NCKAP5: variants seen among roughly 807,000 people sequenced by gnomAD.
The protein encoded by NCKAP5 is NCK associated protein 5, also known as nck-associated protein 5.
In NCKAP5, 92 loss-of-function variants were observed where a neutral mutation model predicts 167.0. The ratio of observed to expected loss-of-function variants is 0.55; its 90% CI spans 0.47 to 0.66. The LOEUF (loss-of-function observed/expected upper bound fraction) is 0.66. NCKAP5 is among the 30% of genes least tolerant of loss of function. The pLI, the probability that NCKAP5 is intolerant of heterozygous loss-of-function variation, is 0.00. For missense variants in NCKAP5, 2,378 were observed against 2,315.0 expected (o/e 1.03, Z -0.56); for synonymous variants, 891 against 877.4 (o/e 1.02, Z -0.27).
chr2:132,801,902 G>A (rs774491300), intron 11 of NCKAP5, among the ~76,000 whole-genome samples: 2 of 152,180 alleles, frequency 1.3e-5, no homozygotes, highest in African/African-American at 4.8e-5. Context: ...CAGCTCTCTA[G>A]TTAATGATGG....
At chr2:133,574,753 T>A in the NCKAP5 span, among the ~76,000 whole-genome samples, 1 of 152,086 alleles carries the variant, frequency 6.6e-6, no homozygotes, top group African/African-American at 2.4e-5. Context: ...AGAAAAGGCA[T>A]CCTTACAGAT....
chr2:132,951,445 C>T (rs893272932), intron 8 of NCKAP5, among the ~76,000 whole-genome samples: 1 of 152,196 alleles, frequency 6.6e-6, no homozygotes, highest in African/African-American at 2.4e-5. Context: ...TGTTTATAAT[C>T]TCTCCTCCCA....
the NCKAP5 span, among the ~76,000 whole-genome samples, chr2:133,618,052 G>A: frequency 6.6e-6 from 1 of 151,364 alleles, no homozygotes; most frequent in Non-Finnish European, 1.5e-5. Flanking sequence ...AAGCAATGGG[G>A]AAAGGATTCC....
intron 11 of NCKAP5, among the ~76,000 whole-genome samples, chr2:132,800,140 T>C (rs529305447): frequency 1.6e-4 from 24 of 152,312 alleles, no homozygotes; most frequent in Middle Eastern, 3.4e-3. Context: ...GTAGAATGTA[T>C]ACATTAGAAA....
chr2:132,860,912 T>C (rs188733428), intron 10 of NCKAP5, among the ~76,000 whole-genome samples: 1 of 152,338 alleles, frequency 6.6e-6, no homozygotes, highest in Non-Finnish European at 1.5e-5. Flanking sequence ...TTTCCGCCTA[T>C]ATATTTTGCC....
Position 133,478,599 on chromosome 2 carries a change from A to G in NCKAP5, c.69+38859T>C, listed in dbSNP as rs111741925. On this transcript the variant is annotated intron_variant, in intron 3 of 19. Coordinates refer to ENST00000409261, the MANE Select transcript of NCKAP5 (RefSeq NM_207363.3). Reference sequence around the variant, plus strand: ...GGCACTTTGTAAACAGCCAAGGCTCATGCAGATGCTATAACACTTATGCTG... The same window carrying G: ...GGCACTTTGTAAACAGCCAAGGCTCGTGCAGATGCTATAACACTTATGCTG... Among the ~76,000 whole-genome samples the G allele has an allele frequency of 1.5e-3, 229 of 152,340 alleles. 1 individual carries two copies. Among genetic ancestry groups the G allele is most frequent in the African/African-American group, 4.7e-3 (196 of 41,592 alleles).
At chr2:132,942,308 GT>G (rs1697358599) in intron 8 of NCKAP5, among the ~76,000 whole-genome samples, 1 of 152,102 alleles carries the variant, frequency 6.6e-6, no homozygotes, top group Admixed American at 6.6e-5. Flanking sequence ...TGGAAAACTT[GT>G]TAAAAAAATT....
At chr2:132,703,640 A>G (rs183825294) in intron 19 of NCKAP5, among the ~76,000 whole-genome samples, 15 of 152,294 alleles carry the variant, frequency 9.8e-5, no homozygotes, top group Admixed American at 7.8e-4. Flanking sequence ...GGGAGTGCAC[A>G]GAGGAGAGCA....
chr2:133,594,021 A>C, the NCKAP5 span, among the ~76,000 whole-genome samples: 1 of 152,226 alleles, frequency 6.6e-6, no homozygotes, highest in Non-Finnish European at 1.5e-5. Context: ...TACACGCTGT[A>C]CTTTCTTCCC....
chr2:133,449,994 C>T (rs1691445017), intron 3 of NCKAP5, among the ~76,000 whole-genome samples: 3 of 152,008 alleles, frequency 2.0e-5, no homozygotes, highest in Non-Finnish European at 2.9e-5. Flanking sequence ...CCCAGGCAGT[C>T]CATGATCAGT....
intron 8 of NCKAP5, among the ~76,000 whole-genome samples, chr2:132,927,707 T>C (rs1696017695): frequency 6.6e-6 from 1 of 152,138 alleles, no homozygotes; most frequent in Non-Finnish European, 1.5e-5. Flanking sequence ...CACTGATTTT[T>C]GTATTTTGAT....
At chr2:133,280,723 C>T (rs1423859568) in intron 4 of NCKAP5, among the ~76,000 whole-genome samples, 1 of 152,210 alleles carries the variant, frequency 6.6e-6, no homozygotes. Context: ...TTGGCACCCA[C>T]AGGCCAAACC....
intron 16 of NCKAP5, among the ~76,000 whole-genome samples, chr2:132,771,839 A>ATTTTTTTT (rs70973406): frequency 6.6e-3 from 666 of 100,704 alleles, no homozygotes; most frequent in Non-Finnish European, 9.2e-3. Flanking sequence ...CGCCCGGCTA[A>ATTTTTTTT]TTTTTTTTTT....
At chr2:133,016,912 C>T (rs879732766) in intron 6 of NCKAP5, among the ~76,000 whole-genome samples, 2 of 152,170 alleles carry the variant, frequency 1.3e-5, no homozygotes, top group Non-Finnish European at 2.9e-5. Context: ...TAATATGTAA[C>T]TGAGACACAT....
At chr2:133,041,277 A>G (rs2079210521) in intron 6 of NCKAP5, among the ~76,000 whole-genome samples, 1 of 152,140 alleles carries the variant, frequency 6.6e-6, no homozygotes, top group Admixed American at 6.6e-5. Context: ...TCTCTTTCAC[A>G]TACTTGACCT....
chr2:133,199,017 T>A (rs910617757), intron 5 of NCKAP5, among the ~76,000 whole-genome samples: 2 of 151,896 alleles, frequency 1.3e-5, no homozygotes, highest in Non-Finnish European at 2.9e-5. Flanking sequence ...AGGAAATAAA[T>A]TCATTTCAAA....
chr2:133,654,857 A>G, the NCKAP5 span, among the ~76,000 whole-genome samples: 6 of 152,044 alleles, frequency 3.9e-5, no homozygotes, highest in African/African-American at 1.4e-4. Context: ...GTTTTTGGAT[A>G]CTCTTGGAGA....
chr2:133,028,099 C>G (rs548431390), intron 6 of NCKAP5, among the ~76,000 whole-genome samples: 1 of 152,110 alleles, frequency 6.6e-6, no homozygotes, highest in African/African-American at 2.4e-5. Context: ...GCAAATATTC[C>G]AAAATCTGAG....
chr2:133,110,405 G>A (rs1268703525), intron 6 of NCKAP5, among the ~76,000 whole-genome samples: 1 of 152,202 alleles, frequency 6.6e-6, no homozygotes, highest in Non-Finnish European at 1.5e-5. Context: ...TCAGGTACTA[G>A]ATGGTGGCGA....
Sources: allele counts gnomAD v4.1 joint callset (sites outside exome capture counted in the v4.1 genomes callset), GRCh38; gene constraint gnomAD v4.1.1; transcripts MANE v1.5; gene names NCBI Gene and HGNC (gene_info 2026-07-23, HGNC 2026-07-21).